EPS15: variants seen among roughly 807,000 people sequenced by gnomAD.
EPS15 encodes the protein epidermal growth factor receptor pathway substrate 15.
Under a neutral mutation model 113.8 loss-of-function variants are expected in EPS15, and 72 were observed. The observed-to-expected ratio is 0.63, with a 90% CI of 0.52 to 0.77. The LOEUF (loss-of-function observed/expected upper bound fraction) is 0.77, where lower values mean the gene tolerates loss of function less well. EPS15 is among the 30% of genes least tolerant of loss of function. EPS15 has a pLI of 0.00. For missense variants in EPS15, 1,048 were observed against 1,045.8 expected, an observed-to-expected ratio of 1.00 and a Z score of -0.03; for synonymous variants, 344 against 363.4, an observed-to-expected ratio of 0.95 and a Z score of 0.61.
intron 4 of EPS15, 34 bp downstream of exon 4, chr1:51,471,656 C>T (rs765201985): frequency 1.5e-5 from 21 of 1,407,190 alleles, no homozygotes; most frequent in Non-Finnish European, 2.0e-5. Context: ...TTGAATCACT[C>T]AAAAAAAAAA....
chr1:51,450,188 C>A (rs1653424324), intron 8 of EPS15, among the ~76,000 whole-genome samples: 1 of 151,670 alleles, frequency 6.6e-6, no homozygotes, highest in Non-Finnish European at 1.5e-5. Context: ...CAACTGCTAC[C>A]CTGCAGGAGC....
intron 21 of EPS15, among the ~76,000 whole-genome samples, chr1:51,367,739 C>T (rs1646539323): frequency 6.6e-6 from 1 of 152,162 alleles, no homozygotes; most frequent in Non-Finnish European, 1.5e-5. Context: ...ATAGGAATTG[C>T]TGCCTGATAC....
chr1:51,386,473 T>A (rs1016106302), intron 21 of EPS15, among the ~76,000 whole-genome samples: 7 of 152,086 alleles, frequency 4.6e-5, no homozygotes, highest in African/African-American at 1.7e-4. Context: ...TTCAAGAAAA[T>A]CCGCTGTTCT....
At chr1:51,454,459 A>AT (rs1653824352) in intron 8 of EPS15, among the ~76,000 whole-genome samples, 1 of 152,224 alleles carries the variant, frequency 6.6e-6, no homozygotes, top group South Asian at 2.1e-4. Context: ...GTTAACATCA[A>AT]TAGTGATGTC....
intron 12 of EPS15, among the ~76,000 whole-genome samples, chr1:51,423,029 G>A (rs1461935111): frequency 6.6e-6 from 1 of 152,268 alleles, no homozygotes; most frequent in East Asian, 1.9e-4. Context: ...AGGGACAACT[G>A]CATGCTTCAT....
rs1411210925 is a variant in EPS15, at chr1:51,364,121, TTTTA to T, written c.2197-97_2197-94del. On this transcript the variant is annotated intron_variant, in intron 22 of 24. Coordinates refer to ENST00000371733, the MANE Select transcript of EPS15 (RefSeq NM_001981.3). ...GAATAATGATTTCAGTATTATACAG[TTTTA>T]TTTATTTTAATTCTGAGAACACTGA... 5.4e-6 allele frequency: 5 copies of T among 928,636 alleles called. No homozygotes were observed. In the East Asian group the frequency reaches 1.5e-4, roughly 27 times the overall value. 57.5% of individuals were successfully genotyped at this position (928,636 alleles called of 1,614,324 possible). A position where few individuals can be genotyped will look rare whatever the true frequency, so the allele number is the denominator to read the frequency against.
At chr1:51,483,550 G>GT (rs1440654868) in intron 1 of EPS15, among the ~76,000 whole-genome samples, 2 of 152,030 alleles carry the variant, frequency 1.3e-5, no homozygotes, top group East Asian at 3.9e-4. Flanking sequence ...GCATGTGCCT[G>GT]TAATCCCAGC....
At chr1:51,477,264 A>G (rs1426739761) in intron 2 of EPS15, among the ~76,000 whole-genome samples, 1 of 152,042 alleles carries the variant, frequency 6.6e-6, no homozygotes, top group Non-Finnish European at 1.5e-5. Flanking sequence ...GTAGTCTCTG[A>G]TGGTAGTTTG....
intron 1 of EPS15, among the ~76,000 whole-genome samples, chr1:51,501,762 A>G (rs999396159): frequency 1.3e-5 from 2 of 152,108 alleles, no homozygotes; most frequent in Non-Finnish European, 2.9e-5. Context: ...TACAGGTGAG[A>G]GCGGCTGCAC....
chr1:51,361,412 C>A (rs1646383478), intron 23 of EPS15, 57 bp from the exon 24 acceptor site: 1 of 1,333,198 alleles, frequency 7.5e-7, no homozygotes, highest in Non-Finnish European at 1.1e-6. Flanking sequence ...TACAAGCACA[C>A]AAGAACATGT....
chr1:51,458,243 A>G (rs1654163587), intron 8 of EPS15: 1 of 152,902 alleles, frequency 6.5e-6, no homozygotes, highest in African/African-American at 2.4e-5. Context: ...TTAAAACAAA[A>G]TTCAAGGTAG....
intron 12 of EPS15, among the ~76,000 whole-genome samples, chr1:51,422,443 A>G (rs1650846209): frequency 6.6e-6 from 1 of 152,236 alleles, no homozygotes; most frequent in Non-Finnish European, 1.5e-5. Context: ...TTTTAGGACC[A>G]TATATCAAAT....
At chr1:51,394,530 T>G (rs1046318855) in intron 20 of EPS15, 83 bp from the exon 21 acceptor site, 2 of 720,118 alleles carry the variant, frequency 2.8e-6, no homozygotes, top group Admixed American at 5.8e-5. Flanking sequence ...GAATATATTC[T>G]TTACAAATTC....
intron 1 of EPS15, among the ~76,000 whole-genome samples, chr1:51,508,067 AGC>A (rs1371710868): frequency 1.3e-5 from 2 of 151,894 alleles, no homozygotes; most frequent in Non-Finnish European, 2.9e-5. Flanking sequence ...CTGTAGTCCC[AGC>A]TACTCAGGAG....
At chr1:51,473,094 T>C (rs903934221) in intron 2 of EPS15, 146 bp from the exon 3 acceptor site, 38 of 659,098 alleles carry the variant, frequency 5.8e-5, no homozygotes, top group Non-Finnish European at 5.7e-5. Context: ...CCAAAGAATA[T>C]GTGGACAGAC....
intron 12 of EPS15, among the ~76,000 whole-genome samples, chr1:51,431,854 T>TAAC (rs1651763630): frequency 6.6e-6 from 1 of 152,202 alleles, no homozygotes; most frequent in African/African-American, 2.4e-5. Context: ...AACGAAACCT[T>TAAC]AACTTTCTGA....
chr1:51,407,348 C>T (rs1273868097), intron 15 of EPS15, among the ~76,000 whole-genome samples: 4 of 152,278 alleles, frequency 2.6e-5, no homozygotes, highest in African/African-American at 9.6e-5. Context: ...CAGGCAGGTA[C>T]CACCATGCCC....
At chr1:51,381,186 A>G (rs1438355755) in intron 21 of EPS15, among the ~76,000 whole-genome samples, 3 of 152,224 alleles carry the variant, frequency 2.0e-5, no homozygotes, top group Non-Finnish European at 4.4e-5. Context: ...CACTCCACCC[A>G]ACAATAGCAG....
At chr1:51,441,823 G>A (rs1048013720) in intron 11 of EPS15, among the ~76,000 whole-genome samples, 4 of 152,100 alleles carry the variant, frequency 2.6e-5, no homozygotes, top group African/African-American at 9.7e-5. Context: ...AGAGTCTTCC[G>A]ATTTAAGTGC....
Sources: gnomAD v4.1 joint callset for allele counts (sites outside exome capture counted in the v4.1 genomes callset) on GRCh38, gnomAD v4.1.1 for gene constraint, MANE v1.5 for transcripts, NCBI Gene and HGNC (gene_info 2026-07-23, HGNC 2026-07-21) for gene names.